Variants in EXOC5 observed in about 807,000 individuals in gnomAD.
EXOC5 encodes SEC10-like 1.
A neutral mutation model predicts 90.8 loss-of-function variants in EXOC5; 17 were observed. The observed-to-expected ratio is 0.19, with a 90% CI of 0.13 to 0.28. EXOC5 has a LOEUF of 0.28. Among genes scored for constraint, EXOC5 ranks in the 10% least tolerant of loss-of-function variants. EXOC5 has a pLI of 1.00. For missense variants in EXOC5, 569 were observed against 830.6 expected, an observed-to-expected ratio of 0.69 and a Z score of 3.87; for synonymous variants, 260 against 270.0, an observed-to-expected ratio of 0.96 and a Z score of 0.36.
intron 1 of EXOC5, among the ~76,000 whole-genome samples, chr14:57,254,001 CTT>C (rs1884269581): frequency 6.6e-6 from 1 of 152,040 alleles, no homozygotes; most frequent in African/African-American, 2.4e-5. Flanking sequence ...ACCAATCAGA[CTT>C]AATGAAAAAT....
intron 11 of EXOC5, among the ~76,000 whole-genome samples, chr14:57,231,055 C>G (rs886252193): frequency 6.7e-6 from 1 of 149,998 alleles, no homozygotes; most frequent in Non-Finnish European, 1.5e-5. Flanking sequence ...GTCGCCCAGG[C>G]TGGAGTGCAG....
At chr14:57,222,161 A>G (rs1453807825) in intron 13 of EXOC5, 147 bp downstream of exon 13, 1 of 500,492 alleles carries the variant, frequency 2.0e-6, no homozygotes, top group African/African-American at 2.0e-5. Flanking sequence ...GCACCTGGCA[A>G]ATCCTTGCAT....
chr14:57,245,251 A>G (rs931697836), intron 3 of EXOC5, among the ~76,000 whole-genome samples: 1 of 152,150 alleles, frequency 6.6e-6, no homozygotes, highest in Non-Finnish European at 1.5e-5. Flanking sequence ...AATTGCTGAT[A>G]ATCTAGTGTG....
At chr14:57,237,232 G>A in intron 6 of EXOC5, 106 bp downstream of exon 6, 1 of 703,890 alleles carries the variant, frequency 1.4e-6, no homozygotes, top group African/African-American at 1.8e-5. Context: ...GCCTACTAGG[G>A]TAGGAAGATG....
intron 12 of EXOC5, among the ~76,000 whole-genome samples, chr14:57,223,709 T>C (rs967681501): frequency 6.6e-6 from 1 of 151,858 alleles, no homozygotes; most frequent in Admixed American, 6.6e-5. Context: ...AACAACATAA[T>C]CAACTAAGCC....
chr14:57,219,518 G>T, intron 13 of EXOC5, 76 bp from the exon 14 acceptor site: 1 of 1,175,506 alleles, frequency 8.5e-7, no homozygotes, highest in Non-Finnish European at 1.2e-6. Context: ...AAAGAATGTG[G>T]TTTTTTAATC....
rs774592610 is a variant in EXOC5, at chr14:57,209,950, C to T, written c.1722+3G>A. 1 of 1,412,358 alleles carries T rather than the reference C, an allele frequency of 7.1e-7. No individual in the cohort carries two copies. The highest frequency in any genetic ancestry group is 9.9e-7 in the Non-Finnish European group (1 of 1,006,442). 87.5% of individuals were successfully genotyped at this position (1,412,358 alleles called of 1,614,324 possible). On this transcript the variant is annotated splice_donor_region_variant and intron_variant, in intron 16 of 17. Coordinates refer to ENST00000621441, the MANE Select transcript of EXOC5 (RefSeq NM_006544.4). The stretch of plus-strand genomic sequence containing the variant: ...TATTAACAAACTGAATGATTTTACT[C>T]ACATTAGTATATTGAATCAAAACAT...
rs532457597 is a variant in EXOC5 at position 57,266,752 on chromosome 14, T to A, written c.27+1870A>T. Among the ~76,000 whole-genome samples, 509 of 143,118 alleles carry A rather than the reference T, an allele frequency of 3.6e-3. 6 individuals carry two copies. Among genetic ancestry groups the A allele is most frequent in the Admixed American group, 6.6e-3 (94 of 14,262 alleles). The allele number at this position is 143,118 out of a possible 152,430, so 93.9% of individuals were successfully genotyped here. ...GTGTGTGTGTATATATATATATATA[T>A]AAAACGTATATATATACTACTTAAC... On this transcript the variant is annotated intron_variant, in intron 1 of 17. Coordinates refer to ENST00000621441, the MANE Select transcript of EXOC5 (RefSeq NM_006544.4).
chr14:57,266,723 A>ATG (rs1029070971), intron 1 of EXOC5, among the ~76,000 whole-genome samples: 15 of 106,312 alleles, frequency 1.4e-4, no homozygotes, highest in East Asian at 4.7e-4. Context: ...ATATATGTGT[A>ATG]TGTGTGTGTG....
At position 57,268,685 on chromosome 14, in the gene EXOC5, C is replaced by T. The variant is rs1298589906; in HGVS notation, c.-37G>A. 3.8e-6 allele frequency: 6 copies of T among 1,569,042 alleles called. No homozygotes were observed. Among genetic ancestry groups the T allele is most frequent in the Admixed American group, 1.8e-5 (1 of 56,120 alleles). ...GAGAGGCTCGCCCCCCACTGGATGC[C>T]GTCTCCGCTTCACATGCTGCGCCTC... On this transcript the variant is annotated 5_prime_UTR_variant, in exon 1 of 18. Transcript: ENST00000621441.
intron 10 of EXOC5, chr14:57,231,926 G>A (rs1883500310): frequency 2.3e-6 from 1 of 439,130 alleles, no homozygotes; most frequent in East Asian, 4.0e-5. Flanking sequence ...ACGGTTTTGA[G>A]AACTGTTATA....
chr14:57,241,762 C>T (rs17794724), intron 4 of EXOC5, among the ~76,000 whole-genome samples: 5,031 of 152,188 alleles, frequency 0.033, 109 homozygotes, highest in Middle Eastern at 0.078. Context: ...AGAGACTACC[C>T]TTGCTAATAG....
chr14:57,227,132 A>G (rs944764853), intron 12 of EXOC5, among the ~76,000 whole-genome samples: 18 of 152,226 alleles, frequency 1.2e-4, no homozygotes, highest in Non-Finnish European at 2.4e-4. Flanking sequence ...AAAATGCACA[A>G]AAGATCTGAA....
In EXOC5 at chr14:57,208,388, T is replaced by C. The variant is rs1313102580; in HGVS notation, c.*221A>G. The C allele has an allele frequency of 1.8e-5, 7 of 387,164 alleles. No individual in the cohort carries two copies. The highest frequency in any genetic ancestry group is 8.2e-5 in the Admixed American group (2 of 24,394). The allele number at this position is 387,164 out of a possible 1,614,324, so 24.0% of individuals were successfully genotyped here. On this transcript the variant is annotated 3_prime_UTR_variant, in exon 18 of 18. Transcript: ENST00000621441. ...TCTACATTCAAGAATGGAATTAAAA[T>C]TCAATGTGAGGGGAAAAAAGCAAAA...
intron 2 of EXOC5, 133 bp from the exon 3 acceptor site, chr14:57,246,991 T>C (rs543771906): frequency 2.5e-4 from 138 of 548,232 alleles, no homozygotes; most frequent in African/African-American, 2.4e-3. Flanking sequence ...ATTTTTTCTA[T>C]AGCATCTTGT....
At chr14:57,219,187 TATTTC>T (rs1422408750) in intron 14 of EXOC5, 130 bp downstream of exon 14, 1 of 442,356 alleles carries the variant, frequency 2.3e-6, no homozygotes, top group Non-Finnish European at 3.9e-6. Context: ...TTTATATTTT[TATTTC>T]ATTTCACTTG....
intron 1 of EXOC5, among the ~76,000 whole-genome samples, chr14:57,259,110 TTTTC>T (rs1185641947): frequency 1.1e-4 from 17 of 151,844 alleles, no homozygotes; most frequent in African/African-American, 4.1e-4. Flanking sequence ...TCACACACAC[TTTTC>T]TTTTTTTTTT....
chr14:57,231,798 G>C, intron 10 of EXOC5, 83 bp from the exon 11 acceptor site: 3 of 926,624 alleles, frequency 3.2e-6, no homozygotes, highest in Admixed American at 5.1e-5. Context: ...TTTTTACAAC[G>C]TGACTTTCAT....
chr14:57,215,082 A>T (rs1276486927), intron 15 of EXOC5, among the ~76,000 whole-genome samples: 1 of 152,102 alleles, frequency 6.6e-6, no homozygotes, highest in Non-Finnish European at 1.5e-5. Context: ...ATACAAAAAA[A>T]TTAGCAGGGT....
Sources: allele counts gnomAD v4.1 joint callset (sites outside exome capture counted in the v4.1 genomes callset), GRCh38; gene constraint gnomAD v4.1.1; transcripts MANE v1.5; gene names NCBI Gene and HGNC (gene_info 2026-07-23, HGNC 2026-07-21).